Variants in CNTLN observed in about 807,000 individuals in gnomAD.
CNTLN encodes centlein, centrosomal protein.
A neutral mutation model predicts 180.0 loss-of-function variants in CNTLN; 212 were observed. The observed-to-expected ratio is 1.18, with a 90% CI of 1.05 to 1.32. The LOEUF (loss-of-function observed/expected upper bound fraction) is 1.32. Among genes scored for constraint, CNTLN ranks in the 40% most tolerant of loss-of-function variants. CNTLN has a pLI of 0.00. For missense variants in CNTLN, 2,095 were observed against 1,610.9 expected, an observed-to-expected ratio of 1.30 and a Z score of -5.14; for synonymous variants, 722 against 563.1, an observed-to-expected ratio of 1.28 and a Z score of -3.99.
intron 12 of CNTLN, among the ~76,000 whole-genome samples, chr9:17,354,639 G>C (rs1227228318): frequency 6.6e-6 from 1 of 152,022 alleles, no homozygotes; most frequent in Non-Finnish European, 1.5e-5. Flanking sequence ...GAGAACCTTT[G>C]TATCTAGCTC....
At chr9:17,337,936 A>G (rs991718121) in intron 10 of CNTLN, among the ~76,000 whole-genome samples, 1 of 152,180 alleles carries the variant, frequency 6.6e-6, no homozygotes, top group Non-Finnish European at 1.5e-5. Flanking sequence ...TTTATATATA[A>G]TAATTTTTAA....
chr9:17,352,416 A>T (rs199827650), intron 12 of CNTLN, among the ~76,000 whole-genome samples: 8,650 of 29,566 alleles, frequency 0.29, 349 homozygotes, highest in East Asian at 0.37. Flanking sequence ...ATATATATAT[A>T]TTTTTTTTTT....
chr9:17,416,589 T>C (rs1424792410), intron 18 of CNTLN, among the ~76,000 whole-genome samples: 2 of 152,210 alleles, frequency 1.3e-5, no homozygotes, highest in African/African-American at 2.4e-5. Context: ...TAAACTAATA[T>C]ATTCATCAGT....
chr9:17,391,896 A>G (rs560683621), intron 14 of CNTLN, among the ~76,000 whole-genome samples: 1 of 152,332 alleles, frequency 6.6e-6, no homozygotes, highest in African/African-American at 2.4e-5. Context: ...TACTATCCTC[A>G]TTTCACAGAT....
chr9:17,378,383 G>T (rs896651377), intron 13 of CNTLN, among the ~76,000 whole-genome samples: 28 of 152,206 alleles, frequency 1.8e-4, no homozygotes, highest in African/African-American at 5.3e-4. Context: ...GTTTCACCAT[G>T]TTGGCCAGGA....
chr9:17,403,627 T>G lies in CNTLN; in HGVS notation c.2616-5666T>G, dbSNP rs141524679. Among the ~76,000 whole-genome samples the G allele has an allele frequency of 3.3e-5, 5 of 151,610 alleles. No homozygotes were observed. The East Asian group carries it at 9.7e-4, about 29-fold the overall frequency. ...TTTACCAATATTACCATTCTTAGAT[T>G]TACAAAATGACTTATATATCCCTAT... On this transcript the variant is annotated intron_variant, in intron 15 of 25. Coordinates refer to ENST00000380647, the MANE Select transcript of CNTLN (RefSeq NM_017738.4).
At chr9:17,510,846 G>A in the CNTLN span, among the ~76,000 whole-genome samples, 6 of 152,126 alleles carry the variant, frequency 3.9e-5, no homozygotes, top group African/African-American at 1.4e-4. Context: ...TTCAAGTACA[G>A]GTTTTTGTAT....
intron 13 of CNTLN, among the ~76,000 whole-genome samples, chr9:17,377,948 G>C (rs1005790305): frequency 6.6e-6 from 1 of 152,044 alleles, no homozygotes; most frequent in African/African-American, 2.4e-5. Flanking sequence ...TGCATTTATT[G>C]TCAATTAAAA....
At chr9:17,301,744 C>T (rs1311560055) in intron 7 of CNTLN, 1 of 956,680 alleles carries the variant, frequency 1.0e-6, no homozygotes, top group Non-Finnish European at 1.2e-6. Context: ...ATTTTGTCTA[C>T]AGTTAGTAGA....
At chr9:17,382,362 A>G (rs1212854365) in intron 13 of CNTLN, among the ~76,000 whole-genome samples, 1 of 152,234 alleles carries the variant, frequency 6.6e-6, no homozygotes, top group Non-Finnish European at 1.5e-5. Flanking sequence ...CAAAAAGAAC[A>G]TCACCAAAAC....
intron 2 of CNTLN, among the ~76,000 whole-genome samples, chr9:17,149,953 T>C (rs1239049255): frequency 1.3e-5 from 2 of 152,266 alleles, no homozygotes; most frequent in Non-Finnish European, 2.9e-5. Flanking sequence ...AAATGTTTTC[T>C]TGTGAGAAGT....
chr9:17,373,265 C>T (rs1341238310), intron 13 of CNTLN, among the ~76,000 whole-genome samples: 5 of 152,026 alleles, frequency 3.3e-5, no homozygotes, highest in Non-Finnish European at 7.4e-5. Context: ...AAAGGATAAA[C>T]AAATTCAGTA....
At chr9:17,237,650 A>G (rs1004973599) in intron 5 of CNTLN, among the ~76,000 whole-genome samples, 4 of 152,230 alleles carry the variant, frequency 2.6e-5, no homozygotes, top group South Asian at 4.2e-4. Flanking sequence ...CATTTTATAT[A>G]AGAGACTTAA....
At chr9:17,296,323 T>C (rs1228365721) in intron 6 of CNTLN, among the ~76,000 whole-genome samples, 1 of 152,128 alleles carries the variant, frequency 6.6e-6, no homozygotes, top group East Asian at 1.9e-4. Context: ...CTGCCTAGTG[T>C]GTTTCTTTTG....
intron 18 of CNTLN, among the ~76,000 whole-genome samples, chr9:17,428,903 GTTAT>G: frequency 6.6e-6 from 1 of 151,682 alleles, no homozygotes; most frequent in Non-Finnish European, 1.5e-5. Flanking sequence ...GATGACCTTT[GTTAT>G]TTACTTTTTA....
intron 6 of CNTLN, among the ~76,000 whole-genome samples, chr9:17,284,652 T>G (rs1179493933): frequency 1.3e-5 from 2 of 152,112 alleles, no homozygotes; most frequent in Non-Finnish European, 2.9e-5. Context: ...TTTTCTCTTT[T>G]CTTATTAGTC....
chr9:17,258,392 A>G (rs908796369), intron 5 of CNTLN, among the ~76,000 whole-genome samples: 1 of 151,010 alleles, frequency 6.6e-6, no homozygotes, highest in Non-Finnish European at 1.5e-5. Context: ...CTTGTAGTAT[A>G]GTTTGAAGTC....
intron 18 of CNTLN, among the ~76,000 whole-genome samples, chr9:17,441,359 C>G (rs1830095991): frequency 6.6e-6 from 1 of 152,076 alleles, no homozygotes; most frequent in South Asian, 2.1e-4. Flanking sequence ...TATTAAAAAA[C>G]ATAACTAAAA....
chr9:17,254,244 A>G (rs1200229122), intron 5 of CNTLN, among the ~76,000 whole-genome samples: 1 of 151,592 alleles, frequency 6.6e-6, no homozygotes, highest in African/African-American at 2.4e-5. Context: ...TAATCTGTTC[A>G]TTGTGTCCTT....
Sources: allele counts gnomAD v4.1 joint callset (sites outside exome capture counted in the v4.1 genomes callset), GRCh38; gene constraint gnomAD v4.1.1; transcripts MANE v1.5; gene names NCBI Gene and HGNC (gene_info 2026-07-23, HGNC 2026-07-21).